The following ESRRG variants were observed in gnomAD, a reference collection of about 807,000 sequenced individuals.
ESRRG encodes the protein estrogen related receptor gamma.
Under a neutral mutation model 44.0 loss-of-function variants are expected in ESRRG, and 13 were observed. The ratio of observed to expected loss-of-function variants is 0.30; its 90% CI spans 0.19 to 0.47. The LOEUF is 0.47. Ranked by LOEUF, ESRRG falls within the 20% of genes least tolerant of loss-of-function variation. ESRRG has a pLI of 1.00. For missense variants in ESRRG, 395 were observed against 580.6 expected (o/e 0.68, Z 3.29); for synonymous variants, 215 against 214.6 (o/e 1.00, Z -0.02).
intron 5 of ESRRG, among the ~76,000 whole-genome samples, chr1:216,562,945 T>G (rs750166974): frequency 2.6e-4 from 40 of 152,150 alleles, no homozygotes; most frequent in Admixed American, 6.5e-4. Flanking sequence ...AGTAAATCCT[T>G]TCTTTTTATT....
intron 1 of ESRRG, among the ~76,000 whole-genome samples, chr1:216,967,196 C>A (rs2070611258): frequency 6.6e-6 from 1 of 152,062 alleles, no homozygotes; most frequent in African/African-American, 2.4e-5. Context: ...ATATTCCCCA[C>A]CAGAGGGGTA....
At chr1:216,970,160 A>C (rs1456248639) in intron 1 of ESRRG, among the ~76,000 whole-genome samples, 3 of 152,166 alleles carry the variant, frequency 2.0e-5, no homozygotes, top group African/African-American at 7.2e-5. Context: ...AATGCTAAGA[A>C]TCACCCATGG....
chr1:216,839,031 T>G (rs1336007841), intron 2 of ESRRG, among the ~76,000 whole-genome samples: 1 of 152,160 alleles, frequency 6.6e-6, no homozygotes, highest in South Asian at 2.1e-4. Flanking sequence ...AAGATTATCC[T>G]GCACGCAGGG....
Position 216,505,004 on chromosome 1 carries a change from A to T in ESRRG, c.*1935T>A, listed in dbSNP as rs541854515. 1 of 152,612 alleles carries T rather than the reference A, an allele frequency of 6.6e-6. No individual in the cohort carries two copies. The highest frequency in any genetic ancestry group is 2.4e-5 in the African/African-American group (1 of 41,452). 9.5% of individuals were successfully genotyped at this position (152,612 alleles called of 1,614,324 possible). On this transcript the variant is annotated 3_prime_UTR_variant, in exon 7 of 7. Coordinates refer to ENST00000408911, the MANE Select transcript of ESRRG (RefSeq NM_001438.4). ...CACACCACAAGAATCCAAACACCAC[A>T]AGAACAAGACAACAGTCTTTGAATG...
chr1:216,525,410 A>C (rs1016342740), intron 5 of ESRRG, among the ~76,000 whole-genome samples: 1 of 152,144 alleles, frequency 6.6e-6, no homozygotes, highest in African/African-American at 2.4e-5. Flanking sequence ...AGCTTTTCCC[A>C]AACTCCCTCT....
chr1:217,024,371 A>C (rs2150955546), intron 1 of ESRRG, among the ~76,000 whole-genome samples: 1 of 151,838 alleles, frequency 6.6e-6, no homozygotes, highest in East Asian at 1.9e-4. Flanking sequence ...AAAAAAAAAA[A>C]ATTAGAGCAC....
At chr1:216,651,239 G>C (rs966236939) in intron 2 of ESRRG, 150 bp from the exon 3 acceptor site, 4 of 632,974 alleles carry the variant, frequency 6.3e-6, no homozygotes, top group Non-Finnish European at 1.2e-5. Context: ...ATATCATCAA[G>C]CTGGATGCTC....
intron 2 of ESRRG, among the ~76,000 whole-genome samples, chr1:216,818,400 G>T (rs907856579): frequency 5.9e-5 from 9 of 152,192 alleles, no homozygotes; most frequent in Admixed American, 6.5e-5. Context: ...CTAGAAAATT[G>T]TAGAGGAATA....
intron 3 of ESRRG, among the ~76,000 whole-genome samples, chr1:216,597,224 C>T (rs1167112290): frequency 1.3e-4 from 20 of 152,094 alleles, no homozygotes; most frequent in Admixed American, 1.3e-3. Flanking sequence ...TGAGACAATA[C>T]CAGAGCATTC....
At chr1:216,813,474 T>C (rs1386564416) in intron 2 of ESRRG, among the ~76,000 whole-genome samples, 2 of 152,200 alleles carry the variant, frequency 1.3e-5, no homozygotes, top group African/African-American at 2.4e-5. Context: ...TCAGAGGATA[T>C]CGAATCTGTA....
intron 2 of ESRRG, among the ~76,000 whole-genome samples, chr1:216,731,328 T>C (rs558228554): frequency 2.0e-5 from 3 of 152,358 alleles, no homozygotes; most frequent in South Asian, 2.1e-4. Context: ...GAACACTGAA[T>C]ACTTTCAGTG....
intron 3 of ESRRG, among the ~76,000 whole-genome samples, chr1:216,633,332 G>T (rs1456302811): frequency 1.3e-5 from 2 of 152,158 alleles, no homozygotes; most frequent in African/African-American, 4.8e-5. Context: ...GGCTTGCAGG[G>T]GCTGGCAGGC....
At chr1:216,681,331 G>A (rs551258062) in intron 1 of ESRRG, among the ~76,000 whole-genome samples, 35 of 152,028 alleles carry the variant, frequency 2.3e-4, no homozygotes, top group African/African-American at 8.0e-4. Flanking sequence ...TTTAGGGTAC[G>A]TGTGCACAAC....
At chr1:216,973,495 G>C (rs79329558) in intron 1 of ESRRG, among the ~76,000 whole-genome samples, 2 of 152,148 alleles carry the variant, frequency 1.3e-5, no homozygotes, top group Non-Finnish European at 2.9e-5. Context: ...CCAGGGCCCA[G>C]AAGCAGTGCT....
chr1:216,797,922 C>A (rs182404552), intron 2 of ESRRG, among the ~76,000 whole-genome samples: 2 of 152,094 alleles, frequency 1.3e-5, no homozygotes, highest in Admixed American at 1.3e-4. Context: ...TCCTATAGGG[C>A]AGAGTATCTA....
At chr1:216,702,498 C>A (rs1481597747) in intron 1 of ESRRG, among the ~76,000 whole-genome samples, 2 of 151,536 alleles carry the variant, frequency 1.3e-5, no homozygotes, top group Non-Finnish European at 2.9e-5. Flanking sequence ...TGTGGTGGCT[C>A]ATGCCTGTAA....
At chr1:216,984,845 G>A (rs186736935) in intron 1 of ESRRG, among the ~76,000 whole-genome samples, 1 of 152,324 alleles carries the variant, frequency 6.6e-6, no homozygotes, top group East Asian at 1.9e-4. Flanking sequence ...CCATAAACCA[G>A]TGAATGAATC....
chr1:216,816,326 G>C (rs2095135752), intron 2 of ESRRG, among the ~76,000 whole-genome samples: 2 of 152,030 alleles, frequency 1.3e-5, no homozygotes, highest in East Asian at 3.9e-4. Context: ...AGTATGTGAG[G>C]TAATACACAT....
At position 217,125,537 on chromosome 1, in the gene ESRRG, T is replaced by C. The variant is rs1045362879; in HGVS notation, c.-230+12130A>G. Among the ~76,000 whole-genome samples the C allele has an allele frequency of 2.0e-5, 3 of 152,338 alleles. 1 individual carries two copies. The highest frequency in any genetic ancestry group is 7.2e-5 in the African/African-American group (3 of 41,590). ...GTCAGGAACCATGCCATTTTGGTCA[T>C]TTCTTTTCCTCAAGTGCTTAACATA... is the stretch of plus-strand genomic sequence containing the variant. On this transcript the variant is annotated intron_variant, in intron 1 of 8. Transcript: ENST00000366940.
Sources: gnomAD v4.1 joint callset for allele counts (sites outside exome capture counted in the v4.1 genomes callset) on GRCh38, gnomAD v4.1.1 for gene constraint, MANE v1.5 for transcripts, NCBI Gene and HGNC (gene_info 2026-07-23, HGNC 2026-07-21) for gene names.